The following CDH10 variants were observed in gnomAD, a reference collection of about 807,000 sequenced individuals.
The protein encoded by CDH10 is cadherin-10.
CDH10 carries 30 observed loss-of-function variants against 73.1 expected under a neutral mutation model. That is an observed-to-expected ratio of 0.41 (90% CI 0.31 to 0.56). The LOEUF is 0.56. CDH10 is among the 20% of genes least tolerant of loss of function. The probability of loss-of-function intolerance (pLI) is 0.27; values close to 1 mark genes in which losing one functional copy is unlikely to be tolerated. For synonymous variants in CDH10, 345 were observed against 348.2 expected, an observed-to-expected ratio of 0.99 and a Z score of 0.10; for missense variants, 815 against 973.7, an observed-to-expected ratio of 0.84 and a Z score of 2.17.
intron 2 of CDH10, among the ~76,000 whole-genome samples, chr5:24,552,984 C>G (rs1156591860): frequency 9.5e-6 from 1 of 104,844 alleles, no homozygotes; most frequent in Non-Finnish European, 2.0e-5. Flanking sequence ...TTGGCCTCTC[C>G]AATCTCCCAT....
At chr5:24,558,184 T>G (rs929647055) in intron 2 of CDH10, among the ~76,000 whole-genome samples, 1 of 115,894 alleles carries the variant, frequency 8.6e-6, no homozygotes, top group African/African-American at 3.3e-5. Flanking sequence ...GTAAATAATG[T>G]TGAGAATTAT....
chr5:24,566,567 C>T (rs764941481), intron 2 of CDH10, among the ~76,000 whole-genome samples: 7 of 151,928 alleles, frequency 4.6e-5, no homozygotes, highest in African/African-American at 9.7e-5. Context: ...TATAGTCAGT[C>T]GACTTTTGTC....
intron 5 of CDH10, among the ~76,000 whole-genome samples, chr5:24,533,088 T>C (rs1301992015): frequency 1.3e-5 from 2 of 152,078 alleles, no homozygotes; most frequent in Non-Finnish European, 2.9e-5. Flanking sequence ...CCATAAATTA[T>C]GTTTCCATCT....
chr5:24,598,592 A>G (rs1040308488), intron 1 of CDH10, among the ~76,000 whole-genome samples: 4 of 151,974 alleles, frequency 2.6e-5, no homozygotes, highest in African/African-American at 9.7e-5. Context: ...TGTATTTAAC[A>G]TGACAGAACT....
rs1741879988 is a variant in CDH10 at position 24,487,424 on chromosome 5, G to A, written c.*239C>T. 4.7e-6 allele frequency: 2 copies of A among 427,946 alleles called. No homozygotes were observed. Among genetic ancestry groups the A allele is most frequent in the Admixed American group, 3.9e-5 (1 of 25,894 alleles). 26.5% of individuals were successfully genotyped at this position (427,946 alleles called of 1,614,324 possible). A position where few individuals can be genotyped will look rare whatever the true frequency, so the allele number is the denominator to read the frequency against. The stretch of plus-strand genomic sequence containing the variant: ...GAAATTATCTTTTATTTACTAAGAT[G>A]GACAACACTGTATTTCCATAGCTTT... On this transcript the variant is annotated 3_prime_UTR_variant, in exon 12 of 12. Coordinates refer to ENST00000264463, the MANE Select transcript of CDH10 (RefSeq NM_006727.5).
At chr5:24,607,723 TCA>T (rs1234350415) in intron 1 of CDH10, among the ~76,000 whole-genome samples, 1 of 152,196 alleles carries the variant, frequency 6.6e-6, no homozygotes. Context: ...TATGTATTAC[TCA>T]CAGAGCAAGG....
chr5:24,521,612 CA>C (rs201455050), intron 5 of CDH10, among the ~76,000 whole-genome samples: 1 of 147,762 alleles, frequency 6.8e-6, no homozygotes, highest in African/African-American at 2.5e-5. Context: ...AACTCTGTCT[CA>C]AAAAAAAGAA....
intron 2 of CDH10, among the ~76,000 whole-genome samples, chr5:24,572,389 A>G (rs1189740666): frequency 6.6e-6 from 1 of 152,144 alleles, no homozygotes. Flanking sequence ...GAAGAAACCA[A>G]GAGATAGCCG....
At chr5:24,512,789 C>T (rs1291959714) in intron 5 of CDH10, among the ~76,000 whole-genome samples, 1 of 152,134 alleles carries the variant, frequency 6.6e-6, no homozygotes, top group African/African-American at 2.4e-5. Flanking sequence ...ATAGCACCTT[C>T]TTGCTCATAA....
chr5:24,518,285 A>T (rs1743183146), intron 5 of CDH10, among the ~76,000 whole-genome samples: 1 of 152,138 alleles, frequency 6.6e-6, no homozygotes, highest in Non-Finnish European at 1.5e-5. Flanking sequence ...TTTAGCTCAT[A>T]AAGCCAAAAA....
At chr5:24,495,926 G>A (rs1433582481) in intron 9 of CDH10, among the ~76,000 whole-genome samples, 1 of 151,478 alleles carries the variant, frequency 6.6e-6, no homozygotes, top group Non-Finnish European at 1.5e-5. Context: ...TGTTAGGGAA[G>A]TAATAAGCAT....
rs1289377300 is a variant in CDH10 at position 24,537,618 on chromosome 5, A to G, written c.288T>C (p.Asp96=). 2 of 1,605,272 alleles carry G rather than the reference A, an allele frequency of 1.2e-6. No homozygotes were observed. The highest frequency in any genetic ancestry group is 2.2e-5 in the South Asian group (2 of 90,906). Residue 96 remains aspartate, a synonymous_variant, in exon 3 of 12, where the codon GAT becomes GAC. Transcript: ENST00000264463. ...DGSLKYILSG[D]GAGTLFIIDE... ...CAATAATAAAAAGAGTACCAGCTCCATCTCCAGATAAGATATATTTGAGTG... is the reference window on the plus strand; with the variant it reads ...CAATAATAAAAAGAGTACCAGCTCCGTCTCCAGATAAGATATATTTGAGTG...
At chr5:24,564,888 G>A (rs750913977) in intron 2 of CDH10, among the ~76,000 whole-genome samples, 4 of 152,078 alleles carry the variant, frequency 2.6e-5, no homozygotes, top group African/African-American at 9.7e-5. Context: ...TCCTGTGCAA[G>A]GCTGCCCTGC....
At chr5:24,514,400 T>A (rs1743029921) in intron 5 of CDH10, among the ~76,000 whole-genome samples, 1 of 152,164 alleles carries the variant, frequency 6.6e-6, no homozygotes, top group South Asian at 2.1e-4. Flanking sequence ...TCACACAAAC[T>A]TTTCCTACCT....
At chr5:24,495,000 A>G (rs980959128) in intron 9 of CDH10, among the ~76,000 whole-genome samples, 1 of 152,008 alleles carries the variant, frequency 6.6e-6, no homozygotes, top group African/African-American at 2.4e-5. Flanking sequence ...CAATTTCTTC[A>G]TATCCTGAAT....
At chr5:24,521,711 A>G (rs1007175452) in intron 5 of CDH10, among the ~76,000 whole-genome samples, 3 of 152,242 alleles carry the variant, frequency 2.0e-5, no homozygotes, top group Admixed American at 6.5e-5. Context: ...CTATTAAACT[A>G]AACATAACTG....
intron 5 of CDH10, among the ~76,000 whole-genome samples, chr5:24,520,260 G>A (rs1215597512): frequency 6.6e-6 from 1 of 152,082 alleles, no homozygotes; most frequent in Non-Finnish European, 1.5e-5. Context: ...ATAAATCATT[G>A]TATAATCACA....
intron 11 of CDH10, among the ~76,000 whole-genome samples, chr5:24,490,619 T>C (rs1742018957): frequency 6.6e-6 from 1 of 152,118 alleles, no homozygotes. Context: ...TAGAATGAAG[T>C]AGACATAATT....
At chr5:24,492,245 C>G (rs1742082849) in intron 10 of CDH10, among the ~76,000 whole-genome samples, 1 of 152,210 alleles carries the variant, frequency 6.6e-6, no homozygotes, top group South Asian at 2.1e-4. Flanking sequence ...ACACATCAAT[C>G]CAATACTCAT....
Sources: gnomAD v4.1 joint callset for allele counts (sites outside exome capture counted in the v4.1 genomes callset) on GRCh38, gnomAD v4.1.1 for gene constraint, MANE v1.5 for transcripts, NCBI Gene and HGNC (gene_info 2026-07-23, HGNC 2026-07-21) for gene names.